Variants in TMCO5A observed in about 807,000 individuals in gnomAD.
TMCO5A encodes transmembrane and coiled-coil domain-containing protein 5A.
A neutral mutation model predicts 42.3 loss-of-function variants in TMCO5A; 34 were observed. That is an observed-to-expected ratio of 0.80 (90% confidence interval 0.61 to 1.07). The LOEUF is 1.07. Among genes scored for constraint, TMCO5A ranks in the 50% least tolerant of loss-of-function variants. The pLI, the probability that TMCO5A is intolerant of heterozygous loss-of-function variation, is 0.00. For missense variants in TMCO5A, 357 were observed against 327.9 expected, an observed-to-expected ratio of 1.09 and a Z score of -0.69; for synonymous variants, 131 against 115.6, an observed-to-expected ratio of 1.13 and a Z score of -0.86.
At chr15:37,949,598 G>A (rs538544228) in intron 11 of TMCO5A, among the ~76,000 whole-genome samples, 4 of 151,874 alleles carry the variant, frequency 2.6e-5, no homozygotes, top group East Asian at 1.9e-4. Context: ...AAGGCAGAAC[G>A]AACTGTTCAA....
chr15:37,952,481 C>A (rs539871753), downstream of TMCO5A, among the ~76,000 whole-genome samples: 2 of 152,200 alleles, frequency 1.3e-5, no homozygotes, highest in Non-Finnish European at 2.9e-5. Flanking sequence ...CAGAAGGGAG[C>A]CTGCTACTTT....
At chr15:37,938,364 TG>T (rs59125264) in intron 6 of TMCO5A, 135 bp downstream of exon 6, 683,608 of 683,610 alleles carry the variant, frequency 1, 341,803 homozygotes, top group Middle Eastern at 1. Flanking sequence ...CTTGAACCAC[TG>T]GAGTGCTGAA....
At chr15:37,978,398 T>G in the TMCO5A span, among the ~76,000 whole-genome samples, 1 of 152,012 alleles carries the variant, frequency 6.6e-6, no homozygotes, top group Non-Finnish European at 1.5e-5. Flanking sequence ...CTACTACCAG[T>G]GGGAATGCGC....
At chr15:37,968,478 A>G (rs1455972722), downstream of TMCO5A, among the ~76,000 whole-genome samples, 2 of 152,184 alleles carry the variant, frequency 1.3e-5, no homozygotes, top group African/African-American at 4.8e-5. Flanking sequence ...ACAGTTCACT[A>G]AAAGCCAGTG....
chr15:37,983,319 A>G, the TMCO5A span, among the ~76,000 whole-genome samples: 1 of 152,196 alleles, frequency 6.6e-6, no homozygotes, highest in African/African-American at 2.4e-5. Context: ...CAGTTCACAA[A>G]TAAGCCAGAT....
chr15:37,966,911 A>G, exon 12 of TMCO5A: 1 of 506,922 alleles, frequency 2.0e-6, no homozygotes, highest in Non-Finnish European at 3.5e-6. Flanking sequence ...AATGACCTAA[A>G]CTATATGAAA....
chr15:38,036,606 C>T, the TMCO5A span, among the ~76,000 whole-genome samples: 2 of 152,084 alleles, frequency 1.3e-5, no homozygotes, highest in African/African-American at 4.8e-5. Flanking sequence ...TCCATACTGT[C>T]GTTCATGTTG....
intron 11 of TMCO5A, among the ~76,000 whole-genome samples, chr15:37,948,306 T>C (rs1415844821): frequency 6.6e-6 from 1 of 152,120 alleles, no homozygotes. Context: ...GGTCAAATTA[T>C]ATTCAATATA....
the TMCO5A span, among the ~76,000 whole-genome samples, chr15:37,976,292 AG>A: frequency 6.6e-6 from 1 of 151,318 alleles, no homozygotes; most frequent in African/African-American, 2.4e-5. Context: ...AGTCTGGTGC[AG>A]TTCCCTTTTT....
the TMCO5A span, among the ~76,000 whole-genome samples, chr15:37,990,494 A>C: frequency 6.6e-6 from 1 of 152,044 alleles, no homozygotes; most frequent in Admixed American, 6.6e-5. Context: ...TAACCTATTC[A>C]TATCTCTGGA....
intron 7 of TMCO5A, 88 bp from the exon 8 acceptor site, chr15:37,941,583 G>T (rs1029170445): frequency 1.1e-6 from 1 of 952,336 alleles, no homozygotes. Context: ...ACCACATTTA[G>T]GACCTGGGAC....
chr15:37,934,785 T>A (rs1468608507), intron 1 of TMCO5A, 91 bp downstream of exon 1: 2 of 152,140 alleles, frequency 1.3e-5, no homozygotes. Context: ...TTCTGAGCCC[T>A]CTTTAATACT....
the TMCO5A span, among the ~76,000 whole-genome samples, chr15:38,007,253 G>A: frequency 6.6e-6 from 1 of 152,110 alleles, no homozygotes; most frequent in Non-Finnish European, 1.5e-5. Context: ...AACACTCCAG[G>A]TCTTTATTTC....
downstream of TMCO5A, among the ~76,000 whole-genome samples, chr15:37,969,093 T>A (rs1890625258): frequency 6.6e-6 from 1 of 152,138 alleles, no homozygotes; most frequent in Admixed American, 6.5e-5. Flanking sequence ...ATAAGTCCTA[T>A]AACAGAAACA....
At chr15:38,038,177 A>C in the TMCO5A span, among the ~76,000 whole-genome samples, 1 of 152,186 alleles carries the variant, frequency 6.6e-6, no homozygotes, top group Non-Finnish European at 1.5e-5. Flanking sequence ...TGTTCATAGA[A>C]ATGTCTGTTC....
intron 11 of TMCO5A, among the ~76,000 whole-genome samples, chr15:37,964,433 C>G (rs144235648): frequency 0.014 from 2,117 of 152,140 alleles, 41 homozygotes; most frequent in African/African-American, 0.048. Flanking sequence ...CCACTTCCTT[C>G]AGAGGATCTG....
In TMCO5A at chr15:37,943,397, A is replaced by G; in HGVS notation, c.626A>G (p.Glu209Gly). The change falls in exon 10 of 12, where the codon GAG becomes GGG. Residue 209 changes from glutamate (E) to glycine (G), a missense_variant and splice_region_variant. By Grantham distance (98) the Glu-to-Gly change is moderately conservative (BLOSUM62 -2). Transcript: ENST00000319669. ...AAAGAGCATACCAGCCAAAATAATGAGGTAAACACTCCATTCTCTCTTCAG... is the reference window on the plus strand; with the variant it reads ...AAAGAGCATACCAGCCAAAATAATGGGGTAAACACTCCATTCTCTCTTCAG... Reference protein sequence around the residue: ...VEKEHTSQNNEGTPTQKTARL... With the variant: ...VEKEHTSQNNGGTPTQKTARL... The G allele has an allele frequency of 6.2e-7, 1 of 1,612,256 alleles. No individual in the cohort carries two copies. Among genetic ancestry groups the G allele is most frequent in the Non-Finnish European group, 8.5e-7 (1 of 1,179,010 alleles).
At position 37,942,177 on chromosome 15, in the gene TMCO5A, G is replaced by A. The variant is rs116109449; in HGVS notation, c.505-14G>A. 5,219 of 1,611,218 alleles carry A rather than the reference G, an allele frequency of 3.2e-3. 157 individuals are homozygous for A. The African/African-American group carries it at 0.059, about 18-fold the overall frequency. The stretch of plus-strand genomic sequence containing the variant: ...CTAAGTAGTAACTGTGGCTTTCTTT[G>A]TTTCTCTTTGAAGAAGTACCAGGAA... On this transcript the variant is annotated splice_polypyrimidine_tract_variant and intron_variant, in intron 8 of 11. Transcript: ENST00000319669.
chr15:37,959,673 G>A (rs1355635097), intron 11 of TMCO5A, among the ~76,000 whole-genome samples: 1 of 151,936 alleles, frequency 6.6e-6, no homozygotes, highest in Non-Finnish European at 1.5e-5. Flanking sequence ...ACTGGAGATA[G>A]AAAGAACATA....
Sources: gnomAD v4.1 joint callset for allele counts (sites outside exome capture counted in the v4.1 genomes callset) on GRCh38, gnomAD v4.1.1 for gene constraint, MANE v1.5 for transcripts, NCBI Gene and HGNC (gene_info 2026-07-23, HGNC 2026-07-21) for gene names.